Variants in SEMA6D observed in about 807,000 individuals in gnomAD.
SEMA6D encodes the protein semaphorin 6D.
In SEMA6D, 35 loss-of-function variants were observed where a neutral mutation model predicts 106.6. The ratio of observed to expected loss-of-function variants is 0.33; its 90% CI spans 0.25 to 0.44. SEMA6D has a LOEUF of 0.44. SEMA6D is among the 20% of genes least tolerant of loss of function. The pLI, the probability that SEMA6D is intolerant of heterozygous loss-of-function variation, is 1.00. For synonymous variants in SEMA6D, 499 were observed against 487.7 expected, an observed-to-expected ratio of 1.02 and a Z score of -0.31; for missense variants, 1,185 against 1,345.9, an observed-to-expected ratio of 0.88 and a Z score of 1.87.
At chr15:47,722,911 C>T (rs1352161316) in intron 1 of SEMA6D, among the ~76,000 whole-genome samples, 11 of 152,136 alleles carry the variant, frequency 7.2e-5, no homozygotes, top group Non-Finnish European at 1.2e-4. Flanking sequence ...ATTATCACTG[C>T]TTTATTGGTA....
chr15:47,253,659 A>G (rs1029967302), intron 1 of SEMA6D, among the ~76,000 whole-genome samples: 4 of 152,022 alleles, frequency 2.6e-5, no homozygotes, highest in Non-Finnish European at 2.9e-5. Flanking sequence ...GTGAAAAATA[A>G]TTTGGCTGTG....
chr15:47,572,638 A>G (rs2076082245), intron 3 of SEMA6D, among the ~76,000 whole-genome samples: 1 of 152,218 alleles, frequency 6.6e-6, no homozygotes, highest in Non-Finnish European at 1.5e-5. Flanking sequence ...AATCACATGC[A>G]TTCTCACACA....
At chr15:47,622,827 AG>A (rs1361080013) in intron 4 of SEMA6D, among the ~76,000 whole-genome samples, 2 of 152,154 alleles carry the variant, frequency 1.3e-5, no homozygotes, top group Admixed American at 1.3e-4. Flanking sequence ...AGGCCACCTG[AG>A]GGGTTTGTAA....
intron 4 of SEMA6D, among the ~76,000 whole-genome samples, chr15:47,644,248 A>T (rs1037171179): frequency 2.1e-4 from 32 of 152,234 alleles, no homozygotes; most frequent in Non-Finnish European, 5.9e-5. Flanking sequence ...TGGACTTGCA[A>T]TGCACAGTTG....
chr15:47,658,410 T>A (rs1015731588), intron 4 of SEMA6D, among the ~76,000 whole-genome samples: 2 of 152,096 alleles, frequency 1.3e-5, no homozygotes, highest in Non-Finnish European at 2.9e-5. Context: ...AAAAGAAACA[T>A]TACTACAAAA....
At chr15:47,428,234 A>G (rs1227172053) in intron 2 of SEMA6D, among the ~76,000 whole-genome samples, 3 of 152,170 alleles carry the variant, frequency 2.0e-5, no homozygotes, top group Admixed American at 2.0e-4. Context: ...CACATATTAT[A>G]TACCCAGCAC....
chr15:47,328,551 C>A (rs915213328), intron 1 of SEMA6D, among the ~76,000 whole-genome samples: 7 of 152,168 alleles, frequency 4.6e-5, no homozygotes, highest in Admixed American at 1.3e-4. Flanking sequence ...TGCTCTAGAT[C>A]CTCATCACAG....
chr15:47,597,605 A>C (rs12594544), intron 3 of SEMA6D, among the ~76,000 whole-genome samples: 36,511 of 151,878 alleles, frequency 0.24, 5,255 homozygotes, highest in East Asian at 0.46. Flanking sequence ...TAAGTGAAAT[A>C]GACCAGGCAC....
intron 1 of SEMA6D, among the ~76,000 whole-genome samples, chr15:47,348,718 C>CA (rs1379277513): frequency 0.099 from 4,525 of 45,704 alleles, 132 homozygotes; most frequent in Middle Eastern, 0.19. Context: ...CACACACACA[C>CA]CACACACACA....
chr15:47,458,483 A>G (rs986008487), intron 2 of SEMA6D, among the ~76,000 whole-genome samples: 6 of 152,028 alleles, frequency 3.9e-5, no homozygotes, highest in African/African-American at 1.4e-4. Flanking sequence ...TTATTAATTT[A>G]AAAAGAATTC....
At chr15:47,719,344 C>T (rs2079288321) in intron 1 of SEMA6D, among the ~76,000 whole-genome samples, 1 of 152,146 alleles carries the variant, frequency 6.6e-6, no homozygotes, top group Admixed American at 6.5e-5. Flanking sequence ...ATATAGACTT[C>T]GTCAACAGTC....
chr15:47,740,311 G>A (rs538781081), intron 1 of SEMA6D, among the ~76,000 whole-genome samples: 2 of 152,152 alleles, frequency 1.3e-5, no homozygotes, highest in South Asian at 4.1e-4. Flanking sequence ...AGCAGGTCAA[G>A]AGATCGAGAC....
chr15:47,737,834 A>G (rs930150310), intron 1 of SEMA6D, among the ~76,000 whole-genome samples: 11 of 152,280 alleles, frequency 7.2e-5, no homozygotes, highest in African/African-American at 2.6e-4. Flanking sequence ...TTGTGTATGT[A>G]GGAGCATGTG....
At chr15:47,515,363 C>A (rs755543965) in intron 3 of SEMA6D, among the ~76,000 whole-genome samples, 1 of 152,250 alleles carries the variant, frequency 6.6e-6, no homozygotes, top group East Asian at 1.9e-4. Flanking sequence ...AGTTATTATG[C>A]CTGTTTTTAT....
chr15:47,185,449 C>G (rs1893500139), intron 1 of SEMA6D, among the ~76,000 whole-genome samples: 1 of 152,176 alleles, frequency 6.6e-6, no homozygotes, highest in South Asian at 2.1e-4. Flanking sequence ...CTTTCTCTTG[C>G]TAGCACCTGT....
intron 1 of SEMA6D, among the ~76,000 whole-genome samples, chr15:47,243,411 T>C (rs764836987): frequency 3.2e-4 from 47 of 147,810 alleles, no homozygotes; most frequent in Non-Finnish European, 1.3e-4. Flanking sequence ...TTTTTCATAA[T>C]ACCATGCAGA....
chr15:47,267,871 A>G, intron 1 of SEMA6D, among the ~76,000 whole-genome samples: 1 of 151,928 alleles, frequency 6.6e-6, no homozygotes, highest in Non-Finnish European at 1.5e-5. Flanking sequence ...ATTTTACGTT[A>G]CTTATCTTTT....
chr15:47,555,522 A>G (rs1052885665), intron 3 of SEMA6D, among the ~76,000 whole-genome samples: 4 of 152,192 alleles, frequency 2.6e-5, no homozygotes, highest in African/African-American at 9.7e-5. Context: ...TCATTCCTGA[A>G]AAAGTAGGGT....
chr15:47,495,237 T>A (rs1199385409), intron 3 of SEMA6D, among the ~76,000 whole-genome samples: 1 of 151,946 alleles, frequency 6.6e-6, no homozygotes, highest in Non-Finnish European at 1.5e-5. Flanking sequence ...AGAGAAGGAA[T>A]GTAGCTTTCC....
Sources: gnomAD v4.1 joint callset for allele counts (sites outside exome capture counted in the v4.1 genomes callset) on GRCh38, gnomAD v4.1.1 for gene constraint, MANE v1.5 for transcripts, NCBI Gene and HGNC (gene_info 2026-07-23, HGNC 2026-07-21) for gene names.